The following SLC25A47 variants were observed in gnomAD, a reference collection of about 807,000 sequenced individuals.
The protein encoded by SLC25A47 is HCC-down-regulated mitochondrial carrier protein.
Under a neutral mutation model 29.8 loss-of-function variants are expected in SLC25A47, and 30 were observed. The ratio of observed to expected loss-of-function variants is 1.01; its 90% CI spans 0.75 to 1.36. The LOEUF is 1.36. Among genes scored for constraint, SLC25A47 ranks in the 40% most tolerant of loss-of-function variants. The probability of loss-of-function intolerance (pLI) is 0.00; values close to 1 mark genes in which losing one functional copy is unlikely to be tolerated. For synonymous variants in SLC25A47, 204 were observed against 197.8 expected (o/e 1.03, Z -0.26); for missense variants, 430 against 441.9 (o/e 0.97, Z 0.24).
At chr14:100,327,519 G>T (rs927772495) in intron 4 of SLC25A47, 149 bp downstream of exon 4, 2 of 926,388 alleles carry the variant, frequency 2.2e-6, no homozygotes, top group African/African-American at 1.7e-5. Context: ...AGAAGAACTC[G>T]CATCCCGCCT....
chr14:100,326,011 G>A (rs566233019), intron 2 of SLC25A47, 146 bp from the exon 3 acceptor site: 30 of 967,250 alleles, frequency 3.1e-5, no homozygotes, highest in South Asian at 2.9e-4. Context: ...CAGGTTTCTC[G>A]TCTAACACAA....
At position 100,330,329 on chromosome 14, in the gene SLC25A47, A is replaced by G. The variant is rs1257574909; in HGVS notation, c.*684A>G. 2.0e-5 allele frequency: 3 copies of G among 153,272 alleles called. No individual in the cohort carries two copies. The highest frequency in any genetic ancestry group is 4.4e-5 in the Non-Finnish European group (3 of 68,862). The allele number at this position is 153,272 out of a possible 1,614,324, so 9.5% of individuals were successfully genotyped here. A position where few individuals can be genotyped will look rare whatever the true frequency, so the allele number is the denominator to read the frequency against. Reference sequence around the variant, plus strand: ...GCTGCACCTGCCACTTAAAGACCCCAAAGACTCTGTTGGGAACTGTTGTCA... The same window carrying G: ...GCTGCACCTGCCACTTAAAGACCCCGAAGACTCTGTTGGGAACTGTTGTCA... On this transcript the variant is annotated 3_prime_UTR_variant, in exon 6 of 6. Coordinates refer to ENST00000361529, the MANE Select transcript of SLC25A47 (RefSeq NM_207117.4).
intron 4 of SLC25A47, among the ~76,000 whole-genome samples, chr14:100,328,147 G>A (rs962547375): frequency 7.0e-6 from 1 of 142,264 alleles, no homozygotes; most frequent in South Asian, 2.2e-4. Flanking sequence ...AGTCTTGCTC[G>A]GTTACCCAGG....
chr14:100,326,030 G>C, intron 2 of SLC25A47, 127 bp from the exon 3 acceptor site: 8 of 980,666 alleles, frequency 8.2e-6, no homozygotes, highest in South Asian at 1.6e-5. Context: ...AAGGCTCCCT[G>C]TCCCTGCTGT....
At position 100,330,333 on chromosome 14, in the gene SLC25A47, A is replaced by T. The variant is rs186011984; in HGVS notation, c.*688A>T. 9.4e-3 allele frequency: 1,442 copies of T among 152,778 alleles called. 11 individuals carry two copies. The highest frequency in any genetic ancestry group is 0.017 in the Middle Eastern group (5 of 294). 9.5% of individuals were successfully genotyped at this position (152,778 alleles called of 1,614,324 possible). On this transcript the variant is annotated 3_prime_UTR_variant, in exon 6 of 6. Transcript: ENST00000361529. Reference sequence around the variant, plus strand: ...CACCTGCCACTTAAAGACCCCAAAGACTCTGTTGGGAACTGTTGTCAATAA... The same window carrying T: ...CACCTGCCACTTAAAGACCCCAAAGTCTCTGTTGGGAACTGTTGTCAATAA...
At position 100,329,029 on chromosome 14, in the gene SLC25A47, G is replaced by A. The variant is rs750796881; in HGVS notation, c.631G>A (p.Gly211Ser). 1.9e-6 allele frequency: 3 copies of A among 1,598,962 alleles called. No homozygotes were observed. The highest frequency in any genetic ancestry group is 1.3e-5 in the African/African-American group (1 of 74,904). ...AVLCEWLSPA[G>S]HSRPDVPGVL... ...CCTCTGCGAGTGGCTCAGCCCCGCT[G>A]GCCACAGCCGGCCAGGTGAGCAGGG... is the stretch of plus-strand genomic sequence containing the variant. The change falls in exon 5 of 6, where the codon GGC (glycine) becomes AGC (serine). Residue 211 changes from glycine (G) to serine (S), a missense_variant. By Grantham distance (56) the Gly-to-Ser change is moderately conservative. Transcript: ENST00000361529.
rs755967769 is a variant in SLC25A47, at chr14:100,329,353, G to T, written c.647-12G>T. The T allele has an allele frequency of 2.5e-6, 4 of 1,584,130 alleles. No homozygotes were observed. The highest frequency in any genetic ancestry group is 3.4e-6 in the Non-Finnish European group (4 of 1,166,080). On this transcript the variant is annotated splice_polypyrimidine_tract_variant and intron_variant, in intron 5 of 5. Coordinates refer to ENST00000361529, the MANE Select transcript of SLC25A47 (RefSeq NM_207117.4). Reference sequence around the variant, plus strand: ...TCAGGCTCCCAGTCAAGGCACTGTGGTCTCTCTGCAGATGTCCCGGGCGTG... The same window carrying T: ...TCAGGCTCCCAGTCAAGGCACTGTGTTCTCTCTGCAGATGTCCCGGGCGTG...
At position 100,329,647 on chromosome 14, in the gene SLC25A47, C is replaced by T. The variant is rs115432216; in HGVS notation, c.*2C>T. ...CTCGCCCGGGGTCTGCTCACATAGC[C>T]GGTCCCCACGCCCAGCGGCCCACCC... On this transcript the variant is annotated 3_prime_UTR_variant, in exon 6 of 6. Coordinates refer to ENST00000361529, the MANE Select transcript of SLC25A47 (RefSeq NM_207117.4). 437 of 1,602,786 alleles carry T rather than the reference C, an allele frequency of 2.7e-4. No individual in the cohort carries two copies. In the African/African-American group the frequency reaches 5.1e-3, roughly 19 times the overall value.
chr14:100,323,400 C>A lies in SLC25A47; in HGVS notation c.-15C>A, dbSNP rs375908208. On this transcript the variant is annotated 5_prime_UTR_variant, in exon 1 of 6. Transcript: ENST00000361529. ...CAGGCAGGCAGACCCAGGGCCTCCC[C>A]GCCACACCTTGTTCATGGATTTTGT... is the stretch of plus-strand genomic sequence containing the variant. 1 of 1,613,642 alleles carries A rather than the reference C, an allele frequency of 6.2e-7. No individual in the cohort carries two copies. Among genetic ancestry groups the A allele is most frequent in the South Asian group, 1.1e-5 (1 of 91,072 alleles).
In SLC25A47 at chr14:100,325,849, C is replaced by G; in HGVS notation, c.72+18C>G. The G allele has an allele frequency of 6.2e-7, 1 of 1,609,514 alleles. No homozygotes were observed. Among genetic ancestry groups the G allele is most frequent in the Non-Finnish European group, 8.5e-7 (1 of 1,177,748 alleles). On this transcript the variant is annotated intron_variant, in intron 2 of 5. Transcript: ENST00000361529. ...CGGTGAAGGTGCGGCAATAGCCAGC[C>G]CCCCAACCATCCTAAGGCCCCTGCA...
chr14:100,328,856 C>T lies in SLC25A47; in HGVS notation c.458C>T (p.Ala153Val), dbSNP rs1191765854. The T allele has an allele frequency of 3.1e-6, 5 of 1,612,422 alleles. No individual in the cohort carries two copies. Among genetic ancestry groups the T allele is most frequent in the Non-Finnish European group, 4.2e-6 (5 of 1,179,746 alleles). Residue 153 changes from alanine (A) to valine (V), a missense_variant, in exon 5 of 6, where the codon GCC becomes GTC. Physicochemically the swap from Ala to Val is moderately conservative, Grantham distance 64. Transcript: ENST00000361529. ...CCCCCCATGTGTCCTGTGCCCCCAG[C>T]CTGCCCAGAGCCCAAGTACCGCGGG... ...AVPPMCPVPP[A>V]CPEPKYRGPL... is the part of the protein sequence containing the mutation.
In SLC25A47 at chr14:100,327,371, G is replaced by A. The variant is rs202110884; in HGVS notation, c.327+1G>A. Reference sequence around the variant, plus strand: ...GGGATGCGCCTCCGGCCTCGTCCGCGTGAGTAGGGGCAGCCAGGGTGGGGA... The same window carrying A: ...GGGATGCGCCTCCGGCCTCGTCCGCATGAGTAGGGGCAGCCAGGGTGGGGA... On this transcript the variant is annotated splice_donor_variant, in intron 4 of 5. Coordinates refer to ENST00000361529, the MANE Select transcript of SLC25A47 (RefSeq NM_207117.4). LOFTEE classifies it high-confidence loss of function. 7.6e-5 allele frequency: 121 copies of A among 1,588,832 alleles called. No homozygotes were observed. The highest frequency in any genetic ancestry group is 4.0e-4 in the East Asian group (18 of 44,740).
At position 100,328,776 on chromosome 14, in the gene SLC25A47, G is replaced by A. The variant is rs1330329652; in HGVS notation, c.378G>A (p.Gln126=). The change falls in exon 5 of 6, where the codon CAG becomes CAA. Residue 126 remains glutamine, a synonymous_variant. Coordinates refer to ENST00000361529, the MANE Select transcript of SLC25A47 (RefSeq NM_207117.4). ...TGGCCAAAGTCCGCTTGCAGACGCAGACACAGGCGCAGAAGCAGCAGCGGC... is the reference window on the plus strand; with the variant it reads ...TGGCCAAAGTCCGCTTGCAGACGCAAACACAGGCGCAGAAGCAGCAGCGGC... ...TEVAKVRLQT[Q]TQAQKQQRRL... 1 of 1,613,032 alleles carries A rather than the reference G, an allele frequency of 6.2e-7. No homozygotes were observed.
intron 4 of SLC25A47, 30 bp from the exon 5 acceptor site, chr14:100,328,696 G>A: frequency 6.2e-7 from 1 of 1,609,508 alleles, no homozygotes; most frequent in East Asian, 2.2e-5. Context: ...AGCCACAGGT[G>A]GCTGACCCCT....
chr14:100,323,760 T>C (rs945324452), intron 1 of SLC25A47, among the ~76,000 whole-genome samples: 1 of 149,014 alleles, frequency 6.7e-6, no homozygotes, highest in Middle Eastern at 3.4e-3. Flanking sequence ...TGGGGAGGGG[T>C]GATTGAGTCA....
At chr14:100,326,552 G>T (rs1893343191) in intron 3 of SLC25A47, among the ~76,000 whole-genome samples, 1 of 152,212 alleles carries the variant, frequency 6.6e-6, no homozygotes, top group Non-Finnish European at 1.5e-5. Context: ...GTTGGGTGGA[G>T]TCTTTAGGGT....
At chr14:100,327,404 A>G (rs758391753) in intron 4 of SLC25A47, 34 bp downstream of exon 4, 2 of 1,558,946 alleles carry the variant, frequency 1.3e-6, no homozygotes, top group South Asian at 2.4e-5. Flanking sequence ...GGAAGGCCCA[A>G]GAGAGACTGC....
rs1595388695 is a variant in SLC25A47 at position 100,325,832 on chromosome 14, G to T, written c.72+1G>T. 6.2e-7 allele frequency: 1 copy of T among 1,611,804 alleles called. No homozygotes were observed. The highest frequency in any genetic ancestry group is 1.3e-5 in the African/African-American group (1 of 74,904). On this transcript the variant is annotated splice_donor_variant, in intron 2 of 5. Transcript: ENST00000361529. LOFTEE classifies it high-confidence loss of function. The stretch of plus-strand genomic sequence containing the variant: ...GGGCTACCCCCTGGACACGGTGAAG[G>T]TGCGGCAATAGCCAGCCCCCCAACC...
chr14:100,326,671 G>A (rs918199763), intron 3 of SLC25A47, among the ~76,000 whole-genome samples: 1 of 152,184 alleles, frequency 6.6e-6, no homozygotes, highest in Non-Finnish European at 1.5e-5. Flanking sequence ...GGCAGAACAT[G>A]CTGTTACTAG....
Sources: allele counts gnomAD v4.1 joint callset (sites outside exome capture counted in the v4.1 genomes callset), GRCh38; gene constraint gnomAD v4.1.1; transcripts MANE v1.5; gene names NCBI Gene and HGNC (gene_info 2026-07-23, HGNC 2026-07-21).